Variants in DPP6 observed in about 807,000 individuals in gnomAD.
DPP6 encodes dipeptidyl peptidase like 6.
Under a neutral mutation model 122.6 loss-of-function variants are expected in DPP6, and 69 were observed. That is an observed-to-expected ratio of 0.56 (90% CI 0.46 to 0.69). DPP6 has a LOEUF of 0.69. DPP6 is among the 30% of genes least tolerant of loss of function. The pLI, the probability that DPP6 is intolerant of heterozygous loss-of-function variation, is 0.00. For synonymous variants in DPP6, 418 were observed against 433.1 expected (o/e 0.97, Z 0.43); for missense variants, 928 against 1,116.9 (o/e 0.83, Z 2.41).
intron 1 of DPP6, among the ~76,000 whole-genome samples, chr7:153,978,882 C>T (rs1013942615): frequency 6.6e-6 from 1 of 151,932 alleles, no homozygotes; most frequent in Non-Finnish European, 1.5e-5. Context: ...ACTTCTGAGG[C>T]CTCTGTTCTG....
At chr7:154,369,804 G>T (rs2151116397) in intron 1 of DPP6, among the ~76,000 whole-genome samples, 1 of 152,236 alleles carries the variant, frequency 6.6e-6, no homozygotes, top group South Asian at 2.1e-4. Context: ...GCCTTTCAAA[G>T]AATCCACCTT....
intron 1 of DPP6, among the ~76,000 whole-genome samples, chr7:154,297,905 C>A (rs1805647060): frequency 6.6e-6 from 1 of 152,130 alleles, no homozygotes; most frequent in Non-Finnish European, 1.5e-5. Context: ...CAGTTGCTGC[C>A]TGTCATGGTT....
At chr7:154,242,389 T>C (rs1025297573) in intron 1 of DPP6, among the ~76,000 whole-genome samples, 4 of 152,010 alleles carry the variant, frequency 2.6e-5, no homozygotes, top group African/African-American at 9.7e-5. Context: ...TGAGTGTGTG[T>C]GTGTGTGTGT....
chr7:154,609,053 G>A (rs1833749647), intron 5 of DPP6, among the ~76,000 whole-genome samples: 1 of 152,174 alleles, frequency 6.6e-6, no homozygotes, highest in Admixed American at 6.5e-5. Context: ...TCAGACCCTA[G>A]GCCTGTATTC....
rs1802469933 is a variant in DPP6 at position 154,063,748 on chromosome 7, C to T, written c.243+10685C>T. 2.0e-5 allele frequency among the ~76,000 whole-genome samples: 3 copies of T among 151,670 alleles called. No individual in the cohort carries two copies. In the South Asian group the frequency reaches 6.2e-4, roughly 32 times the overall value. ...CCTCTTCCCCCCCGGCTTAGGACCC[C>T]CGTCGTGGATCCTCAGATCCTTAGG... On this transcript the variant is annotated intron_variant, in intron 1 of 25. Transcript: ENST00000377770.
intron 17 of DPP6, among the ~76,000 whole-genome samples, chr7:154,864,196 C>T (rs2013101): frequency 6.6e-6 from 1 of 152,160 alleles, no homozygotes; most frequent in Non-Finnish European, 1.5e-5. Context: ...GAAAGGGAAG[C>T]GGCTGCTCTC....
At chr7:154,652,357 G>C (rs978274248) in intron 6 of DPP6, among the ~76,000 whole-genome samples, 4 of 150,342 alleles carry the variant, frequency 2.7e-5, no homozygotes, top group African/African-American at 7.3e-5. Flanking sequence ...GTGTTGAATG[G>C]CTTCTCTGTA....
the DPP6 span, among the ~76,000 whole-genome samples, chr7:153,767,579 G>C: frequency 2.1e-5 from 3 of 145,228 alleles, no homozygotes; most frequent in Non-Finnish European, 4.5e-5. Context: ...AGGTTTCACC[G>C]TGTTAGCCAG....
chr7:154,677,844 A>G (rs1397442280), intron 7 of DPP6, among the ~76,000 whole-genome samples: 2 of 152,038 alleles, frequency 1.3e-5, no homozygotes, highest in Non-Finnish European at 2.9e-5. Context: ...GTCCCAGGCC[A>G]CCTCCTCAGC....
chr7:154,063,735 C>G (rs548446038), intron 1 of DPP6, among the ~76,000 whole-genome samples: 2 of 149,130 alleles, frequency 1.3e-5, no homozygotes, highest in African/African-American at 2.5e-5. Flanking sequence ...TCTTCCCCCC[C>G]GGCTTAGGAC....
At chr7:154,580,750 G>T (rs1279548795) in intron 5 of DPP6, among the ~76,000 whole-genome samples, 2 of 152,224 alleles carry the variant, frequency 1.3e-5, no homozygotes, top group Non-Finnish European at 1.5e-5. Flanking sequence ...CCGGGGTGAA[G>T]AAGAGAGGAA....
intron 1 of DPP6, among the ~76,000 whole-genome samples, chr7:154,237,870 C>T (rs1235718580): frequency 6.6e-6 from 1 of 152,154 alleles, no homozygotes; most frequent in Admixed American, 6.5e-5. Context: ...CTGAGGGGAG[C>T]CCTGGGAGCG....
chr7:154,635,349 T>A (rs974877994), intron 5 of DPP6, among the ~76,000 whole-genome samples: 1 of 151,212 alleles, frequency 6.6e-6, no homozygotes, highest in Non-Finnish European at 1.5e-5. Context: ...TATCAAAGGC[T>A]TCCTCTGAGT....
chr7:153,887,699 A>T (rs766860746), exon 1 of DPP6: 1 of 1,613,906 alleles, frequency 6.2e-7, no homozygotes, highest in South Asian at 1.1e-5. Flanking sequence ...GGAAAAGGCC[A>T]TGATCAAGAC....
At chr7:153,765,420 T>A in the DPP6 span, among the ~76,000 whole-genome samples, 3 of 151,994 alleles carry the variant, frequency 2.0e-5, no homozygotes, top group African/African-American at 7.2e-5. Flanking sequence ...CGGGCACCTG[T>A]AATCCCTGCT....
intron 1 of DPP6, among the ~76,000 whole-genome samples, chr7:154,098,146 A>G (rs1245546683): frequency 1.3e-5 from 2 of 152,152 alleles, no homozygotes; most frequent in Non-Finnish European, 2.9e-5. Flanking sequence ...GAGGTAATTT[A>G]ATCGTGGAGA....
chr7:153,944,686 T>TTTTG (rs869291554), intron 1 of DPP6, among the ~76,000 whole-genome samples: 3 of 146,784 alleles, frequency 2.0e-5, no homozygotes, highest in African/African-American at 7.7e-5. Context: ...TTTTTTTTTT[T>TTTTG]GAGACAGAAT....
intron 7 of DPP6, among the ~76,000 whole-genome samples, chr7:154,716,120 C>T (rs1385280854): frequency 6.6e-6 from 1 of 152,174 alleles, no homozygotes; most frequent in African/African-American, 2.4e-5. Context: ...TCTTAGGCCT[C>T]CCCACCTCCA....
At chr7:154,669,246 G>C (rs988392857) in intron 6 of DPP6, 114 bp from the exon 7 acceptor site, 39 of 1,478,816 alleles carry the variant, frequency 2.6e-5, no homozygotes, top group Non-Finnish European at 3.1e-5. Flanking sequence ...TCTTGAAATG[G>C]ATACCATGGA....
Sources: gnomAD v4.1 joint callset for allele counts (sites outside exome capture counted in the v4.1 genomes callset) on GRCh38, gnomAD v4.1.1 for gene constraint, MANE v1.5 for transcripts, NCBI Gene and HGNC (gene_info 2026-07-23, HGNC 2026-07-21) for gene names.